The following JMJD1C variants were observed in gnomAD, a reference collection of about 807,000 sequenced individuals.
JMJD1C encodes the protein jumonji domain containing 1C, also known as jumonji domain-containing protein 1C.
In JMJD1C, 31 loss-of-function variants were observed where a neutral mutation model predicts 245.3. The ratio of observed to expected loss-of-function variants is 0.13; its 90% CI spans 0.09 to 0.17. The LOEUF is 0.17. Among genes scored for constraint, JMJD1C ranks in the 10% least tolerant of loss-of-function variants. The pLI, the probability that JMJD1C is intolerant of heterozygous loss-of-function variation, is 1.00. For missense variants in JMJD1C, 2,691 were observed against 3,000.2 expected, an observed-to-expected ratio of 0.90 and a Z score of 2.41; for synonymous variants, 1,057 against 1,017.4, an observed-to-expected ratio of 1.04 and a Z score of -0.74.
Position 63,465,891 on chromosome 10 carries a change from C to A in JMJD1C, c.-229G>T. 1 of 658,752 alleles carries A rather than the reference C, an allele frequency of 1.5e-6. No homozygotes were observed. 40.8% of individuals were successfully genotyped at this position (658,752 alleles called of 1,614,324 possible). ...GATTCGCAGCCTTGTGCTGCAGCGC[C>A]ACACAAGAAAACTGAAACAAAACCC... On this transcript the variant is annotated 5_prime_UTR_variant, in exon 1 of 26. Transcript: ENST00000399262.
At chr10:63,418,579 T>C (rs1406027672) in intron 1 of JMJD1C, among the ~76,000 whole-genome samples, 2 of 152,180 alleles carry the variant, frequency 1.3e-5, no homozygotes, top group Admixed American at 1.3e-4. Context: ...CAGTTAATAT[T>C]TTCTATGCAC....
At chr10:63,453,740 G>GTTT (rs1163769819) in intron 1 of JMJD1C, among the ~76,000 whole-genome samples, 2 of 151,646 alleles carry the variant, frequency 1.3e-5, no homozygotes, top group Non-Finnish European at 2.9e-5. Flanking sequence ...GTTTTTTTTT[G>GTTT]TTTTTTGTTT....
intron 5 of JMJD1C, 68 bp downstream of exon 5, chr10:63,217,139 G>A: frequency 7.4e-7 from 1 of 1,345,744 alleles, no homozygotes; most frequent in African/African-American, 1.5e-5. Flanking sequence ...AATTGTTGAT[G>A]TATTTTGGGG....
intron 18 of JMJD1C, among the ~76,000 whole-genome samples, 163 bp from the exon 19 acceptor site, chr10:63,186,546 C>G (rs1844151905): frequency 6.6e-6 from 1 of 152,192 alleles, no homozygotes; most frequent in Non-Finnish European, 1.5e-5. Context: ...AATCCTTCTA[C>G]CTCAGCCTCT....
chr10:63,392,824 CAAAAAAAAAAAAAA>C (rs991038264), intron 1 of JMJD1C, among the ~76,000 whole-genome samples: 233 of 28,806 alleles, frequency 8.1e-3, no homozygotes, highest in Middle Eastern at 0.031. Context: ...ACTTCGTCTC[CAAAAAAAAAAAAAA>C]AAAAAAAAGG....
At chr10:63,250,553 A>G (rs1481025173) in intron 3 of JMJD1C, among the ~76,000 whole-genome samples, 2 of 152,116 alleles carry the variant, frequency 1.3e-5, no homozygotes, top group Non-Finnish European at 2.9e-5. Context: ...AACTGATGTA[A>G]AATTTCCTGA....
At chr10:63,317,456 T>C (rs1414390695) in intron 2 of JMJD1C, among the ~76,000 whole-genome samples, 1 of 152,040 alleles carries the variant, frequency 6.6e-6, no homozygotes, top group Non-Finnish European at 1.5e-5. Flanking sequence ...TGCTCTGCCA[T>C]AGAACATTGG....
chr10:63,357,849 AC>A, intron 2 of JMJD1C, among the ~76,000 whole-genome samples: 1 of 148,874 alleles, frequency 6.7e-6, no homozygotes, highest in Non-Finnish European at 1.5e-5. Flanking sequence ...ACACACACAC[AC>A]ACACACACAC....
At chr10:63,507,400 T>C (rs926694768) in intron 1 of JMJD1C, among the ~76,000 whole-genome samples, 1 of 151,992 alleles carries the variant, frequency 6.6e-6, no homozygotes, top group South Asian at 2.1e-4. Context: ...TCCCAGCACT[T>C]TGGGAGGCTG....
intron 1 of JMJD1C, among the ~76,000 whole-genome samples, chr10:63,491,262 T>TC (rs1025814729): frequency 2.6e-5 from 4 of 152,110 alleles, no homozygotes; most frequent in African/African-American, 9.7e-5. Context: ...CATCACCCCC[T>TC]CCCCCAGTTA....
At chr10:63,272,071 T>TC (rs1554865288) in intron 2 of JMJD1C, among the ~76,000 whole-genome samples, 2 of 134,642 alleles carry the variant, frequency 1.5e-5, no homozygotes, top group African/African-American at 2.8e-5. Flanking sequence ...AGACTCTGTC[T>TC]CAAAAAAAAA....
chr10:63,301,790 A>C (rs759928303), intron 2 of JMJD1C: 19 of 425,812 alleles, frequency 4.5e-5, no homozygotes, highest in South Asian at 3.2e-4. Context: ...CACGTTCTGC[A>C]TATGTATCCC....
intron 2 of JMJD1C, among the ~76,000 whole-genome samples, chr10:63,295,968 T>TACAC (rs1244393921): frequency 0.019 from 264 of 14,168 alleles, no homozygotes; most frequent in Non-Finnish European, 0.032. Flanking sequence ...TATGTGTGTG[T>TACAC]GTGTGTGTGT....
At chr10:63,240,984 T>G (rs1357033174) in intron 3 of JMJD1C, among the ~76,000 whole-genome samples, 2 of 152,222 alleles carry the variant, frequency 1.3e-5, no homozygotes, top group East Asian at 3.8e-4. Flanking sequence ...GGTTACATAA[T>G]GTAAGACAAA....
chr10:63,310,074 T>A (rs1033958657), intron 2 of JMJD1C, among the ~76,000 whole-genome samples: 7 of 152,062 alleles, frequency 4.6e-5, no homozygotes, highest in African/African-American at 1.2e-4. Flanking sequence ...ATAACCACTA[T>A]CAGATCACAG....
intron 1 of JMJD1C, among the ~76,000 whole-genome samples, chr10:63,519,299 T>C (rs1398121931): frequency 2.0e-5 from 3 of 152,186 alleles, no homozygotes; most frequent in Non-Finnish European, 4.4e-5. Context: ...ATTAATGTAC[T>C]AGGATTAGCT....
chr10:63,370,086 G>A (rs1458261267), intron 2 of JMJD1C, among the ~76,000 whole-genome samples: 1 of 152,202 alleles, frequency 6.6e-6, no homozygotes, highest in Non-Finnish European at 1.5e-5. Flanking sequence ...CTCACATACT[G>A]TGGACATAAA....
chr10:63,454,099 G>C (rs1564936532), intron 1 of JMJD1C, among the ~76,000 whole-genome samples: 1 of 151,966 alleles, frequency 6.6e-6, no homozygotes, highest in Non-Finnish European at 1.5e-5. Flanking sequence ...ACTTTTTAAT[G>C]GTTACTACAG....
chr10:63,194,155 T>A, intron 14 of JMJD1C, 131 bp downstream of exon 14: 1 of 648,330 alleles, frequency 1.5e-6, no homozygotes, highest in South Asian at 1.8e-5. Context: ...GGATTTCCAA[T>A]AACTGAGCAA....
Sources: gnomAD v4.1 joint callset for allele counts (sites outside exome capture counted in the v4.1 genomes callset) on GRCh38, gnomAD v4.1.1 for gene constraint, MANE v1.5 for transcripts, NCBI Gene and HGNC (gene_info 2026-07-23, HGNC 2026-07-21) for gene names.